The following NCOR2 variants were observed in gnomAD, a reference collection of about 807,000 sequenced individuals.
NCOR2 encodes nuclear receptor corepressor 2.
In NCOR2, 81 loss-of-function variants were observed where a neutral mutation model predicts 262.9. The observed-to-expected ratio is 0.31, with a 90% confidence interval of 0.26 to 0.37. The LOEUF is 0.37. NCOR2 is among the 10% of genes least tolerant of loss of function. The probability of loss-of-function intolerance (pLI) is 1.00; values close to 1 mark genes in which losing one functional copy is unlikely to be tolerated. For synonymous variants in NCOR2, 1,659 were observed against 1,559.3 expected, an observed-to-expected ratio of 1.06 and a Z score of -1.51; for missense variants, 3,385 against 3,621.4, an observed-to-expected ratio of 0.93 and a Z score of 1.68.
intron 26 of NCOR2, 60 bp downstream of exon 28, chr12:124,354,418 C>A (rs1338470631): frequency 1.4e-6 from 2 of 1,396,528 alleles, no homozygotes; most frequent in African/African-American, 1.4e-5. Context: ...AATAAAGGGC[C>A]CTTTGGGCAC....
intron 8 of NCOR2, among the ~76,000 whole-genome samples, chr12:124,433,877 C>CAAACAA: frequency 8.4e-6 from 1 of 119,358 alleles, no homozygotes; most frequent in African/African-American, 4.1e-5. Context: ...CACACACACA[C>CAAACAA]ACACACACAC....
In NCOR2 at chr12:124,325,660, C is replaced by G. The variant is rs548299213; in HGVS notation, c.7364-77G>C. 7 of 1,042,958 alleles carry G rather than the reference C, an allele frequency of 6.7e-6. No individual in the cohort carries two copies. In the South Asian group the frequency reaches 2.1e-4, roughly 32 times the overall value. The allele number at this position is 1,042,958 out of a possible 1,614,324, so 64.6% of individuals were successfully genotyped here. On this transcript the variant is annotated intron_variant, in intron 46 of 46. Transcript: ENST00000405201. Reference sequence around the variant, plus strand: ...CCTGCTGGCCGCCTGCCCACCACACCGGGAACAGAGGCCTCAGCGTTTCTG... The same window carrying G: ...CCTGCTGGCCGCCTGCCCACCACACGGGGAACAGAGGCCTCAGCGTTTCTG...
At chr12:124,398,396 G>A (rs2041811220) in intron 15 of NCOR2, among the ~76,000 whole-genome samples, 1 of 152,246 alleles carries the variant, frequency 6.6e-6, no homozygotes, top group Admixed American at 6.5e-5. Context: ...TGCTGGGCTG[G>A]AGCTGTGCTG....
exon 47 of NCOR2, chr12:124,324,771 C>T (rs958181485): frequency 1.3e-5 from 2 of 152,564 alleles, no homozygotes; most frequent in Admixed American, 6.5e-5. Flanking sequence ...TCCTTCCCAC[C>T]GCTGCGGCAA....
intron 16 of NCOR2, among the ~76,000 whole-genome samples, chr12:124,390,485 C>CA (rs906903661): frequency 1.1e-4 from 16 of 151,862 alleles, no homozygotes; most frequent in Non-Finnish European, 1.0e-4. Context: ...GTGACCCCCC[C>CA]CCGTCGCCCT....
chr12:124,506,201 A>G (rs1378664375), intron 1 of NCOR2, among the ~76,000 whole-genome samples: 6 of 152,188 alleles, frequency 3.9e-5, no homozygotes, highest in Non-Finnish European at 7.4e-5. Context: ...CGCCCCACTG[A>G]ACAGATCAGA....
chr12:124,363,833 C>G, intron 20 of NCOR2, 34 bp from the exon 23 acceptor site: 1 of 1,321,346 alleles, frequency 7.6e-7, no homozygotes, highest in Non-Finnish European at 9.7e-7. Flanking sequence ...GCTGGGGGCC[C>G]ACAGCCGGAC....
exon 45 of NCOR2, chr12:124,327,477 G>T: frequency 6.2e-7 from 1 of 1,613,564 alleles, no homozygotes; most frequent in East Asian, 2.2e-5. Context: ...GGGCAGGCTG[G>T]CACTGGCATT....
chr12:124,360,326 A>G (rs1445084328), intron 22 of NCOR2, among the ~76,000 whole-genome samples: 6 of 152,106 alleles, frequency 3.9e-5, no homozygotes, highest in African/African-American at 1.4e-4. Context: ...TCATCCCCAC[A>G]CCGGGTTCAA....
intron 36 of NCOR2, 27 bp from the exon 39 acceptor site, chr12:124,340,231 G>A: frequency 6.2e-7 from 1 of 1,606,282 alleles, no homozygotes; most frequent in Non-Finnish European, 8.5e-7. Context: ...GCATCAGCAG[G>A]GGGAGGCCTC....
chr12:124,368,582 G>A (rs899956295), intron 20 of NCOR2, among the ~76,000 whole-genome samples: 4 of 152,194 alleles, frequency 2.6e-5, no homozygotes, highest in African/African-American at 9.7e-5. Context: ...TCTACACCCT[G>A]CTATAGGCCT....
At chr12:124,427,556 C>T (rs964405586) in intron 10 of NCOR2, among the ~76,000 whole-genome samples, 1 of 152,196 alleles carries the variant, frequency 6.6e-6, no homozygotes, top group Non-Finnish European at 1.5e-5. Context: ...GCTGCCCGGC[C>T]GCCCACATCC....
intron 1 of NCOR2, among the ~76,000 whole-genome samples, chr12:124,521,041 G>C (rs919159146): frequency 1.3e-5 from 2 of 152,198 alleles, no homozygotes; most frequent in Admixed American, 6.5e-5. Context: ...GCTGGCGAAT[G>C]GGGGAGCTCC....
At chr12:124,350,451 G>A in intron 28 of NCOR2, 136 bp downstream of exon 30, 6 of 1,143,334 alleles carry the variant, frequency 5.2e-6, no homozygotes, top group Non-Finnish European at 7.4e-6. Flanking sequence ...TTGCATACCT[G>A]CAGGGATAAG....
intron 4 of NCOR2, among the ~76,000 whole-genome samples, chr12:124,471,896 A>G (rs565354014): frequency 6.6e-6 from 1 of 152,390 alleles, no homozygotes; most frequent in South Asian, 2.1e-4. Flanking sequence ...CCTAAACAGC[A>G]AATATTTTTG....
intron 28 of NCOR2, among the ~76,000 whole-genome samples, chr12:124,350,281 A>G (rs2037338578): frequency 6.6e-6 from 1 of 152,104 alleles, no homozygotes; most frequent in South Asian, 2.1e-4. Flanking sequence ...GTTTGTCAGT[A>G]CGGTGCTGGA....
chr12:124,501,031 G>A (rs2048681958), intron 1 of NCOR2, among the ~76,000 whole-genome samples: 1 of 151,586 alleles, frequency 6.6e-6, no homozygotes, highest in African/African-American at 2.4e-5. Flanking sequence ...CAGGCAGAGA[G>A]CGCCCACGGC....
rs887111692 is a variant in NCOR2 at position 124,470,096 on chromosome 12, G to A, written c.591+2856C>T. Among the ~76,000 whole-genome samples, 3 of 150,936 alleles carry A rather than the reference G, an allele frequency of 2.0e-5. 1 individual carries two copies. In the East Asian group the frequency reaches 6.0e-4, roughly 30 times the overall value. On this transcript the variant is annotated intron_variant, in intron 4 of 46. Coordinates refer to ENST00000405201, the Ensembl canonical transcript of NCOR2. ...TAGAAGGATCGCTTGAGCCCAGGAG[G>A]TAGAGGCTCCAGTGAGCCAAGATGG...
Position 124,432,092 on chromosome 12 carries a change from C to T in NCOR2, c.883-1305G>A, listed in dbSNP as rs1374690607. Among the ~76,000 whole-genome samples the T allele has an allele frequency of 6.6e-6, 1 of 151,818 alleles. No homozygotes were observed. Among genetic ancestry groups the T allele is most frequent in the African/African-American group, 2.4e-5 (1 of 41,278 alleles). ...GGTCACACAGGCAGGCAGACACACACACACGGTCATCCAGGCAGACATATG... is the reference window on the plus strand; with the variant it reads ...GGTCACACAGGCAGGCAGACACACATACACGGTCATCCAGGCAGACATATG... On this transcript the variant is annotated intron_variant, in intron 8 of 46. Coordinates refer to ENST00000405201, the Ensembl canonical transcript of NCOR2. This position sits in a 1 kb window ranked among gnomAD's most constrained non-coding sequence, Gnocchi z 5.1.
Sources: allele counts gnomAD v4.1 joint callset (sites outside exome capture counted in the v4.1 genomes callset), GRCh38; gene constraint gnomAD v4.1.1; non-coding constraint Gnocchi (gnomAD v3.1); transcripts MANE v1.5; gene names NCBI Gene and HGNC (gene_info 2026-07-23, HGNC 2026-07-21).